Variants in STPG2 observed in about 807,000 individuals in gnomAD.
STPG2 encodes the protein sperm-tail PG-rich repeat-containing protein 2.
STPG2 carries 56 observed loss-of-function variants against 54.2 expected under a neutral mutation model. The observed-to-expected ratio is 1.03, with a 90% confidence interval of 0.83 to 1.29. The LOEUF (loss-of-function observed/expected upper bound fraction) is 1.29, where lower values mean the gene tolerates loss of function less well. Ranked by LOEUF, STPG2 falls within the 50% of genes most tolerant of loss-of-function variation. The pLI is 0.00. For synonymous variants in STPG2, 200 were observed against 181.8 expected, an observed-to-expected ratio of 1.10 and a Z score of -0.81; for missense variants, 596 against 544.9, an observed-to-expected ratio of 1.09 and a Z score of -0.93.
intron 8 of STPG2, among the ~76,000 whole-genome samples, chr4:97,910,641 A>G (rs1206997476): frequency 6.6e-6 from 1 of 152,202 alleles, no homozygotes; most frequent in Non-Finnish European, 1.5e-5. Flanking sequence ...ATTTCATAAC[A>G]CGATACTGAA....
chr4:97,600,531 G>A (rs1458838484), intron 10 of STPG2, among the ~76,000 whole-genome samples: 1 of 152,084 alleles, frequency 6.6e-6, no homozygotes, highest in Admixed American at 6.6e-5. Flanking sequence ...GCTCATAATG[G>A]ATTTCATAAA....
chr4:98,040,901 A>G (rs1437838739), intron 5 of STPG2, among the ~76,000 whole-genome samples: 2 of 151,846 alleles, frequency 1.3e-5, no homozygotes, highest in East Asian at 1.9e-4. Flanking sequence ...AAATCTGTAG[A>G]CTGCTTTAAG....
chr4:98,017,556 T>C (rs1042326512), intron 5 of STPG2, among the ~76,000 whole-genome samples: 5 of 152,246 alleles, frequency 3.3e-5, no homozygotes, highest in Non-Finnish European at 7.3e-5. Flanking sequence ...CTGTCCTTCC[T>C]ACCCTCTTTA....
chr4:97,674,467 G>T (rs1722782772), intron 10 of STPG2, among the ~76,000 whole-genome samples: 1 of 152,108 alleles, frequency 6.6e-6, no homozygotes, highest in African/African-American at 2.4e-5. Flanking sequence ...CTAAAGCAAT[G>T]GTCATGTGGG....
At chr4:97,894,056 T>C (rs991656959) in intron 8 of STPG2, among the ~76,000 whole-genome samples, 5 of 152,018 alleles carry the variant, frequency 3.3e-5, no homozygotes, top group Non-Finnish European at 7.4e-5. Flanking sequence ...TAAAGGTCTA[T>C]GTGTTTAGAA....
At chr4:97,555,027 C>G (rs1240357285), downstream of STPG2, among the ~76,000 whole-genome samples, 1 of 152,090 alleles carries the variant, frequency 6.6e-6, no homozygotes, top group Non-Finnish European at 1.5e-5. Context: ...AAGTAAATAT[C>G]CATTTGTGAT....
At chr4:97,923,310 C>T (rs992607955) in intron 8 of STPG2, among the ~76,000 whole-genome samples, 34 of 148,366 alleles carry the variant, frequency 2.3e-4, no homozygotes, top group African/African-American at 5.2e-4. Context: ...CCACCCCCCC[C>T]GCCATGGGCT....
chr4:97,470,089 G>T (rs1443593461), intron 4 of STPG2, among the ~76,000 whole-genome samples: 2 of 152,098 alleles, frequency 1.3e-5, no homozygotes, highest in African/African-American at 4.8e-5. Context: ...GATGGTTTAT[G>T]CTTATTTCCA....
chr4:97,502,379 C>G (rs1367844683), intron 4 of STPG2, among the ~76,000 whole-genome samples: 1 of 151,950 alleles, frequency 6.6e-6, no homozygotes, highest in African/African-American at 2.4e-5. Context: ...CAGCAACATT[C>G]AATTCCAAAA....
At chr4:97,738,200 T>C (rs1270667091) in intron 9 of STPG2, among the ~76,000 whole-genome samples, 1 of 151,966 alleles carries the variant, frequency 6.6e-6, no homozygotes, top group Non-Finnish European at 1.5e-5. Context: ...CGAAAAGAGC[T>C]CCTGAAGGAA....
At chr4:98,038,307 T>C (rs191897212) in intron 5 of STPG2, among the ~76,000 whole-genome samples, 37 of 152,258 alleles carry the variant, frequency 2.4e-4, no homozygotes, top group African/African-American at 8.9e-4. Context: ...TTAGTCCATT[T>C]GATACAAGAT....
chr4:97,838,807 A>G (rs1429183860), intron 9 of STPG2, among the ~76,000 whole-genome samples: 1 of 151,618 alleles, frequency 6.6e-6, no homozygotes, highest in African/African-American at 2.4e-5. Flanking sequence ...GTCAGAAGAT[A>G]CAAAATTTCA....
intron 10 of STPG2, among the ~76,000 whole-genome samples, chr4:97,682,725 G>T (rs984130897): frequency 6.6e-6 from 1 of 151,770 alleles, no homozygotes; most frequent in African/African-American, 2.4e-5. Context: ...TGGGGAAACA[G>T]AGCCATATAA....
intron 5 of STPG2, among the ~76,000 whole-genome samples, chr4:98,093,835 C>A (rs1738762211): frequency 6.6e-6 from 1 of 152,150 alleles, no homozygotes; most frequent in Non-Finnish European, 1.5e-5. Flanking sequence ...TCAGCCAGCA[C>A]CCATGCATAG....
At chr4:97,950,483 C>T (rs1378923253) in intron 7 of STPG2, among the ~76,000 whole-genome samples, 1 of 152,114 alleles carries the variant, frequency 6.6e-6, no homozygotes, top group Non-Finnish European at 1.5e-5. Context: ...TCTCTTCATT[C>T]ATATGCTGAT....
At chr4:97,711,978 G>A (rs969770100) in intron 10 of STPG2, among the ~76,000 whole-genome samples, 1 of 151,942 alleles carries the variant, frequency 6.6e-6, no homozygotes, top group African/African-American at 2.4e-5. Flanking sequence ...CTTAGATTGT[G>A]ACATTTTAAG....
At chr4:97,639,415 A>T (rs1429057269) in intron 10 of STPG2, among the ~76,000 whole-genome samples, 2 of 152,068 alleles carry the variant, frequency 1.3e-5, no homozygotes, top group Non-Finnish European at 2.9e-5. Flanking sequence ...TAGTGGGTGC[A>T]GCACACCAGC....
intron 10 of STPG2, among the ~76,000 whole-genome samples, chr4:97,573,231 T>C (rs569933084): frequency 6.6e-6 from 1 of 152,182 alleles, no homozygotes; most frequent in South Asian, 2.1e-4. Flanking sequence ...AAAATAACTA[T>C]ACACGTTATA....
At chr4:97,914,199 C>A (rs1292831807) in intron 8 of STPG2, among the ~76,000 whole-genome samples, 1 of 151,924 alleles carries the variant, frequency 6.6e-6, no homozygotes, top group Non-Finnish European at 1.5e-5. Flanking sequence ...AAATTATTAC[C>A]CCAAGTTAAA....
Sources: allele counts gnomAD v4.1 joint callset (sites outside exome capture counted in the v4.1 genomes callset), GRCh38; gene constraint gnomAD v4.1.1; transcripts MANE v1.5; gene names NCBI Gene and HGNC (gene_info 2026-07-23, HGNC 2026-07-21).